GRAMD4: variants seen among roughly 807,000 people sequenced by gnomAD.
The protein encoded by GRAMD4 is GRAM domain containing 4, also known as GRAM domain-containing protein 4.
Under a neutral mutation model 83.9 loss-of-function variants are expected in GRAMD4, and 25 were observed. That is an observed-to-expected ratio of 0.30 (90% CI 0.22 to 0.42). GRAMD4 has a LOEUF of 0.42. GRAMD4 is among the 10% of genes least tolerant of loss of function. GRAMD4 has a pLI of 1.00. For synonymous variants in GRAMD4, 336 were observed against 320.9 expected (o/e 1.05, Z -0.50); for missense variants, 593 against 788.7 (o/e 0.75, Z 2.97).
At chr22:46,623,714 G>A (rs2081611803) in intron 1 of GRAMD4, among the ~76,000 whole-genome samples, 1 of 151,782 alleles carries the variant, frequency 6.6e-6, no homozygotes, top group African/African-American at 2.4e-5. Context: ...TTTCTAGTGA[G>A]CTTGAAGGTT....
chr22:46,614,031 CTGAT>C (rs2081444435), intron 1 of GRAMD4, among the ~76,000 whole-genome samples: 1 of 152,176 alleles, frequency 6.6e-6, no homozygotes, highest in African/African-American at 2.4e-5. Context: ...TTCCCAGGAG[CTGAT>C]TGATGGATTT....
rs1005655439 is a variant in GRAMD4, at chr22:46,663,289, C to G, written c.599+117C>G. The G allele has an allele frequency of 7.6e-5, 77 of 1,009,916 alleles. 1 individual carries two copies. The African/African-American group carries it at 1.1e-3, about 14-fold the overall frequency. The allele number at this position is 1,009,916 out of a possible 1,614,324, so 62.6% of individuals were successfully genotyped here. ...GGGCCAAAGCTGTCTGTGAGGCTGCCGAGAGCTCCTGGAGGCTCCGCTGTG... is the reference window on the plus strand; with the variant it reads ...GGGCCAAAGCTGTCTGTGAGGCTGCGGAGAGCTCCTGGAGGCTCCGCTGTG... On this transcript the variant is annotated intron_variant, in intron 6 of 18. Transcript: ENST00000406902.
rs1489709160 is a variant in GRAMD4, at chr22:46,673,746, T to G, written c.1316T>G (p.Phe439Cys). 2.5e-6 allele frequency: 4 copies of G among 1,612,962 alleles called. No homozygotes were observed. The highest frequency in any genetic ancestry group is 2.5e-6 in the Non-Finnish European group (3 of 1,179,928). Residue 439 changes from phenylalanine (F) to cysteine (C), a missense_variant, in exon 15 of 19, where the codon TTC (phenylalanine) becomes TGC (cysteine). By Grantham distance (205) the Phe-to-Cys change is radical. Around this residue, in one of 4 missense-constraint regions of GRAMD4, gnomAD observed 171 missense variants for 199.6 expected, o/e 0.86. Transcript: ENST00000406902. Reference sequence around the variant, plus strand: ...GGTAAAGAGGAGGACGCCGGTCGCTTCCACAGCACCAAGAAGGGCAATTTC... The same window carrying G: ...GGTAAAGAGGAGGACGCCGGTCGCTGCCACAGCACCAAGAAGGGCAATTTC... ...GLGKEEDAGR[F>C]HSTKKGNFHE...
intron 1 of GRAMD4, among the ~76,000 whole-genome samples, chr22:46,584,458 C>T (rs1376443576): frequency 6.6e-6 from 1 of 152,156 alleles, no homozygotes; most frequent in African/African-American, 2.4e-5. Context: ...GATCCGTTTC[C>T]TGCATGGATC....
intron 17 of GRAMD4, among the ~76,000 whole-genome samples, chr22:46,676,067 G>A (rs1370145657): frequency 2.0e-5 from 3 of 152,214 alleles, no homozygotes; most frequent in Admixed American, 6.5e-5. Flanking sequence ...TGGCCCGAGT[G>A]GTCAGGGCCC....
upstream of GRAMD4, among the ~76,000 whole-genome samples, chr22:46,617,741 C>T (rs1394316238): frequency 1.3e-5 from 2 of 152,134 alleles, no homozygotes; most frequent in Non-Finnish European, 2.9e-5. Flanking sequence ...ATTAGCACCC[C>T]AGGGTGTGCT....
chr22:46,579,048 C>T (rs572543080), intron 1 of GRAMD4, among the ~76,000 whole-genome samples: 1 of 152,364 alleles, frequency 6.6e-6, no homozygotes, highest in East Asian at 1.9e-4. Flanking sequence ...GCTGTCCCAG[C>T]CATGCAGCCT....
chr22:46,625,006 G>A (rs188651652), intron 1 of GRAMD4, among the ~76,000 whole-genome samples: 194 of 152,054 alleles, frequency 1.3e-3, no homozygotes, highest in African/African-American at 4.3e-3. Flanking sequence ...GACTACAGGC[G>A]CCCACCACCA....
chr22:46,650,488 G>A (rs1423760369), intron 3 of GRAMD4, among the ~76,000 whole-genome samples: 1 of 152,108 alleles, frequency 6.6e-6, no homozygotes, highest in Non-Finnish European at 1.5e-5. Flanking sequence ...GGCCTGTGTA[G>A]GCCTGAGCCG....
At chr22:46,590,020 G>A (rs9627514) in intron 1 of GRAMD4, among the ~76,000 whole-genome samples, 74,632 of 152,110 alleles carry the variant, frequency 0.49, 20,379 homozygotes, top group African/African-American at 0.75. Context: ...AACTCCCACG[G>A]CAGTCTTGCA....
intron 6 of GRAMD4, 50 bp downstream of exon 6, chr22:46,663,222 C>T: frequency 1.3e-6 from 2 of 1,569,444 alleles, no homozygotes; most frequent in South Asian, 1.1e-5. Context: ...GCCCCGGTCC[C>T]TGGGCTGAGG....
chr22:46,615,253 G>T (rs1213865207), intron 1 of GRAMD4, among the ~76,000 whole-genome samples: 1 of 12,184 alleles, frequency 8.2e-5, no homozygotes, highest in Non-Finnish European at 1.6e-4. Context: ...AGGTTCCCCC[G>T]TGTGTAGGTT....
At chr22:46,680,686 C>G (rs899164636), downstream of GRAMD4, among the ~76,000 whole-genome samples, 146 of 113,158 alleles carry the variant, frequency 1.3e-3, no homozygotes, top group African/African-American at 5.1e-3. Flanking sequence ...ATCCACCCAC[C>G]TATTCATCCA....
chr22:46,680,929 T>A (rs1211452602), downstream of GRAMD4, among the ~76,000 whole-genome samples: 2 of 113,562 alleles, frequency 1.8e-5, no homozygotes, highest in East Asian at 6.5e-4. Flanking sequence ...CATCCACCCA[T>A]TTACCCACCC....
chr22:46,611,996 C>A (rs1339952578), intron 1 of GRAMD4, among the ~76,000 whole-genome samples: 40 of 50,152 alleles, frequency 8.0e-4, no homozygotes, highest in African/African-American at 9.5e-4. Flanking sequence ...GACTCCATCT[C>A]AAAAAAAAAA....
chr22:46,644,721 T>TC (rs2082046327), intron 3 of GRAMD4, among the ~76,000 whole-genome samples: 2 of 100,938 alleles, frequency 2.0e-5, no homozygotes, highest in African/African-American at 6.5e-5. Flanking sequence ...TTTTTTTTTT[T>TC]TTTTTTTTTT....
Position 46,677,261 on chromosome 22 carries a change from G to A in GRAMD4, c.*10G>A. ...TGGCGGGGACAGCTAGTATTGACTTGCCCAGGACGTTGCTGGAATTTTCTT... is the reference window on the plus strand; with the variant it reads ...TGGCGGGGACAGCTAGTATTGACTTACCCAGGACGTTGCTGGAATTTTCTT... On this transcript the variant is annotated 3_prime_UTR_variant, in exon 19 of 19. Coordinates refer to ENST00000406902, the MANE Select transcript of GRAMD4 (RefSeq NM_015124.5). 14 of 1,580,302 alleles carry A rather than the reference G, an allele frequency of 8.9e-6. No homozygotes were observed. The highest frequency in any genetic ancestry group is 1.2e-5 in the Non-Finnish European group (14 of 1,171,314).
intron 1 of GRAMD4, among the ~76,000 whole-genome samples, chr22:46,591,399 C>T (rs2081206365): frequency 1.3e-5 from 2 of 152,068 alleles, no homozygotes; most frequent in African/African-American, 2.4e-5. Flanking sequence ...TGTCGTAGTC[C>T]CAGCTCCTTG....
chr22:46,662,065 A>G (rs899203279), intron 5 of GRAMD4, among the ~76,000 whole-genome samples: 3 of 152,218 alleles, frequency 2.0e-5, no homozygotes, highest in Non-Finnish European at 4.4e-5. Flanking sequence ...ATTTCAGTCC[A>G]TAAATAAAGT....
Sources: gnomAD v4.1 joint callset for allele counts (sites outside exome capture counted in the v4.1 genomes callset) on GRCh38, gnomAD v4.1.1 for gene constraint, gnomAD v4.1.1 regional missense constraint, MANE v1.5 for transcripts, NCBI Gene and HGNC (gene_info 2026-07-23, HGNC 2026-07-21) for gene names.